Variants in NR3C2 observed in about 807,000 individuals in gnomAD.
NR3C2 encodes nuclear receptor subfamily 3 group C member 2, also known as mineralocorticoid receptor.
In NR3C2, 15 loss-of-function variants were observed where a neutral mutation model predicts 86.4. That is an observed-to-expected ratio of 0.17 (90% CI 0.12 to 0.27). The LOEUF (loss-of-function observed/expected upper bound fraction) is 0.27, where lower values mean the gene tolerates loss of function less well. NR3C2 is among the 10% of genes least tolerant of loss of function. NR3C2 has a pLI of 1.00. For missense variants in NR3C2, 960 were observed against 1,195.6 expected, an observed-to-expected ratio of 0.80 and a Z score of 2.91; for synonymous variants, 458 against 450.5, an observed-to-expected ratio of 1.02 and a Z score of -0.21.
chr4:148,401,644 AG>A (rs1748172391), intron 2 of NR3C2, among the ~76,000 whole-genome samples: 1 of 151,704 alleles, frequency 6.6e-6, no homozygotes, highest in Admixed American at 6.6e-5. Context: ...TTGTATTTTT[AG>A]TAGAGACGGG....
chr4:148,315,338 C>T (rs1561036054), intron 2 of NR3C2, among the ~76,000 whole-genome samples: 1 of 152,170 alleles, frequency 6.6e-6, no homozygotes, highest in Non-Finnish European at 1.5e-5. Context: ...GTGGCATCAA[C>T]TCCAAGGTAC....
At chr4:148,221,912 A>T (rs2149828245) in intron 3 of NR3C2, among the ~76,000 whole-genome samples, 1 of 150,708 alleles carries the variant, frequency 6.6e-6, no homozygotes, top group Non-Finnish European at 1.5e-5. Flanking sequence ...AAAAAAAAAA[A>T]GAAAAAGTGC....
intron 4 of NR3C2, among the ~76,000 whole-genome samples, chr4:148,178,528 T>C (rs866637773): frequency 1.3e-5 from 2 of 151,864 alleles, no homozygotes; most frequent in South Asian, 2.1e-4. Flanking sequence ...GTAACTGTTA[T>C]GGGTTTGTAG....
chr4:148,198,184 T>C (rs1030480733), intron 3 of NR3C2, among the ~76,000 whole-genome samples: 1 of 152,170 alleles, frequency 6.6e-6, no homozygotes, highest in African/African-American at 2.4e-5. Context: ...AAGTTGAGTT[T>C]AAAAATAAAT....
rs750741302 is a variant in NR3C2 at position 148,260,151 on chromosome 4, C to T, written c.1758-34G>A. The T allele has an allele frequency of 4.3e-6, 7 of 1,613,112 alleles. No individual in the cohort carries two copies. The East Asian group carries it at 1.3e-4, about 31-fold the overall frequency. ...AGAAATTGAGATTTAAATAACTACA[C>T]CGTAAAGGCACATTTAACATGCTGC... On this transcript the variant is annotated intron_variant, in intron 2 of 8. Transcript: ENST00000358102.
At chr4:148,116,278 A>G (rs1190918165) in intron 7 of NR3C2, among the ~76,000 whole-genome samples, 1 of 152,234 alleles carries the variant, frequency 6.6e-6, no homozygotes, top group Non-Finnish European at 1.5e-5. Flanking sequence ...GTCAAACAGT[A>G]TTACTTATAT....
chr4:148,400,650 A>T (rs1340253005), intron 2 of NR3C2, among the ~76,000 whole-genome samples: 1 of 151,816 alleles, frequency 6.6e-6, no homozygotes, highest in African/African-American at 2.4e-5. Context: ...ATTGGGATGC[A>T]TGCCTGTAGT....
chr4:148,263,111 C>T (rs527636496), intron 2 of NR3C2, among the ~76,000 whole-genome samples: 3 of 152,286 alleles, frequency 2.0e-5, no homozygotes, highest in Admixed American at 6.5e-5. Context: ...TATACTCTAT[C>T]CCTTAATGAT....
chr4:148,271,465 T>C (rs1031069571), intron 2 of NR3C2, among the ~76,000 whole-genome samples: 51 of 152,270 alleles, frequency 3.3e-4, no homozygotes, highest in African/African-American at 1.2e-3. Flanking sequence ...AAGGCTGTTT[T>C]TTTGGCCACT....
chr4:148,338,684 C>T (rs560644018), intron 2 of NR3C2, among the ~76,000 whole-genome samples: 1 of 152,122 alleles, frequency 6.6e-6, no homozygotes, highest in African/African-American at 2.4e-5. Flanking sequence ...ATGCAGTGAA[C>T]TGGAGACATG....
At chr4:148,333,946 C>A (rs908273107) in intron 2 of NR3C2, among the ~76,000 whole-genome samples, 1 of 152,088 alleles carries the variant, frequency 6.6e-6, no homozygotes, top group Non-Finnish European at 1.5e-5. Context: ...TTCAATTATA[C>A]AAAATCTATT....
At chr4:148,133,903 G>A (rs1733153979) in intron 6 of NR3C2, among the ~76,000 whole-genome samples, 1 of 152,204 alleles carries the variant, frequency 6.6e-6, no homozygotes, top group Non-Finnish European at 1.5e-5. Context: ...TGAAGTCTAT[G>A]ATCCCGTAAA....
intron 3 of NR3C2, among the ~76,000 whole-genome samples, chr4:148,259,298 G>T (rs1027962164): frequency 4.6e-5 from 7 of 152,220 alleles, no homozygotes; most frequent in Admixed American, 1.3e-4. Context: ...TCTGGTCTAA[G>T]TCTGATGGTA....
chr4:148,089,795 A>G lies in NR3C2; in HGVS notation c.2800-8296T>C, dbSNP rs568402121. Among the ~76,000 whole-genome samples, 12 of 152,362 alleles carry G rather than the reference A, an allele frequency of 7.9e-5. No individual in the cohort carries two copies. The South Asian group carries it at 1.9e-3, about 24-fold the overall frequency. ...TCCAGATGTGCCACCATGAGTCAGC[A>G]GTGCCAACTGCTGGGTGGGGATGCT... On this transcript the variant is annotated intron_variant, in intron 8 of 8. Coordinates refer to ENST00000358102, the MANE Select transcript of NR3C2 (RefSeq NM_000901.5).
At chr4:148,350,998 G>C (rs564778901) in intron 2 of NR3C2, among the ~76,000 whole-genome samples, 2 of 152,202 alleles carry the variant, frequency 1.3e-5, no homozygotes, top group South Asian at 2.1e-4. Context: ...TGAACATATA[G>C]GTGTTCAATA....
rs567398188 is a variant in NR3C2 at position 148,331,360 on chromosome 4, C to T, written c.1758-71243G>A. Among the ~76,000 whole-genome samples, 8 of 152,290 alleles carry T rather than the reference C, an allele frequency of 5.3e-5. No homozygotes were observed. The South Asian group carries it at 1.4e-3, about 28-fold the overall frequency. On this transcript the variant is annotated intron_variant, in intron 2 of 8. Transcript: ENST00000358102. ...TGCAGAGCAAGAGTTTAGGAAAAAT[C>T]CCCTCACAGGGCTACATCCATCAAC...
intron 3 of NR3C2, among the ~76,000 whole-genome samples, chr4:148,228,774 T>G (rs949862264): frequency 6.6e-6 from 1 of 152,202 alleles, no homozygotes; most frequent in Non-Finnish European, 1.5e-5. Context: ...TTGTTTAAAG[T>G]GGCTGGATAT....
intron 3 of NR3C2, among the ~76,000 whole-genome samples, chr4:148,233,021 C>G (rs1353027636): frequency 6.6e-6 from 1 of 152,198 alleles, no homozygotes. Context: ...CTGGTTTGAT[C>G]TTCTATCCAG....
intron 2 of NR3C2, among the ~76,000 whole-genome samples, chr4:148,428,698 T>C (rs772217112): frequency 3.9e-5 from 6 of 152,190 alleles, no homozygotes; most frequent in Non-Finnish European, 5.9e-5. Context: ...AGGCTTTTTC[T>C]GTAATATCTC....
Sources: gnomAD v4.1 joint callset for allele counts (sites outside exome capture counted in the v4.1 genomes callset) on GRCh38, gnomAD v4.1.1 for gene constraint, MANE v1.5 for transcripts, NCBI Gene and HGNC (gene_info 2026-07-23, HGNC 2026-07-21) for gene names.